Variants in CLASP1 observed in about 807,000 individuals in gnomAD.
CLASP1 encodes the protein CLIP-associating protein 1.
CLASP1 carries 38 observed loss-of-function variants against 192.3 expected under a neutral mutation model. The observed-to-expected ratio is 0.20, with a 90% CI of 0.15 to 0.26. The LOEUF is 0.26. Ranked by LOEUF, CLASP1 falls within the 10% of genes least tolerant of loss-of-function variation. The pLI, the probability that CLASP1 is intolerant of heterozygous loss-of-function variation, is 1.00. For missense variants in CLASP1, 1,433 were observed against 1,932.5 expected, an observed-to-expected ratio of 0.74 and a Z score of 4.85; for synonymous variants, 691 against 712.8, an observed-to-expected ratio of 0.97 and a Z score of 0.49.
intron 1 of CLASP1, among the ~76,000 whole-genome samples, chr2:121,637,885 C>CAA (rs1215351109): frequency 3.9e-5 from 5 of 126,662 alleles, no homozygotes; most frequent in African/African-American, 1.4e-4. Flanking sequence ...GACTCCATCT[C>CAA]AAAAAAAAAA....
At chr2:121,398,495 T>C (rs1163206576) in intron 28 of CLASP1, 95 bp from the exon 30 acceptor site, 5 of 822,640 alleles carry the variant, frequency 6.1e-6, no homozygotes, top group Non-Finnish European at 7.8e-6. Context: ...TAAGTTAATG[T>C]ATGTAAAACC....
Position 121,574,002 on chromosome 2 carries a change from T to C in CLASP1, c.195+31699A>G, listed in dbSNP as rs555809391. Among the ~76,000 whole-genome samples the C allele has an allele frequency of 2.0e-5, 3 of 152,232 alleles. No individual in the cohort carries two copies. The South Asian group carries it at 6.2e-4, about 32-fold the overall frequency. ...CGCTGGGGAGACACAAAATTTCAGTTAGACAAGAGGAATAAGTTTAAGGGA... is the reference window on the plus strand; with the variant it reads ...CGCTGGGGAGACACAAAATTTCAGTCAGACAAGAGGAATAAGTTTAAGGGA... On this transcript the variant is annotated intron_variant, in intron 2 of 39. Coordinates refer to ENST00000263710, the Ensembl canonical transcript of CLASP1.
chr2:121,379,228 A>G (rs985740850), intron 33 of CLASP1, among the ~76,000 whole-genome samples: 9 of 152,168 alleles, frequency 5.9e-5, no homozygotes, highest in Non-Finnish European at 1.2e-4. Flanking sequence ...AAAAAAAAAA[A>G]AAATTCAACT....
At chr2:121,493,746 A>G (rs1316655323) in intron 8 of CLASP1, among the ~76,000 whole-genome samples, 1 of 101,338 alleles carries the variant, frequency 9.9e-6, no homozygotes, top group Non-Finnish European at 1.7e-5. Flanking sequence ...AACTCAATAG[A>G]AAAAAAAAAT....
chr2:121,463,533 A>G (rs1362906606), intron 9 of CLASP1, among the ~76,000 whole-genome samples: 1 of 152,214 alleles, frequency 6.6e-6, no homozygotes, highest in Admixed American at 6.5e-5. Context: ...CTGTTTTAGC[A>G]TAAAAACTGG....
At chr2:121,441,075 A>T (rs1398989652) in intron 19 of CLASP1, among the ~76,000 whole-genome samples, 1 of 152,164 alleles carries the variant, frequency 6.6e-6, no homozygotes, top group African/African-American at 2.4e-5. Context: ...ACTCCAAACC[A>T]GGAGAAATTC....
At chr2:121,430,353 G>A (rs994059506) in intron 19 of CLASP1, among the ~76,000 whole-genome samples, 176 bp from the exon 20 acceptor site, 2 of 152,278 alleles carry the variant, frequency 1.3e-5, no homozygotes, top group Non-Finnish European at 2.9e-5. Flanking sequence ...GTGTGCATGC[G>A]CACATGCGCA....
intron 34 of CLASP1, among the ~76,000 whole-genome samples, chr2:121,375,254 A>G (rs1400171624): frequency 6.6e-6 from 1 of 151,950 alleles, no homozygotes; most frequent in Non-Finnish European, 1.5e-5. Context: ...GCTTCTCCTT[A>G]TGCCATGACT....
intron 39 of CLASP1, among the ~76,000 whole-genome samples, chr2:121,343,994 C>A (rs561653122): frequency 6.6e-6 from 1 of 152,206 alleles, no homozygotes; most frequent in South Asian, 2.1e-4. Context: ...TCGTTTGAAC[C>A]TGGTAGGCGG....
intron 1 of CLASP1, among the ~76,000 whole-genome samples, chr2:121,606,878 G>A (rs748329824): frequency 6.6e-6 from 1 of 152,188 alleles, no homozygotes; most frequent in African/African-American, 2.4e-5. Flanking sequence ...CCAACATGGT[G>A]AAACCCTGTC....
Position 121,508,472 on chromosome 2 carries a change from T to C in CLASP1, c.645-5238A>G, listed in dbSNP as rs374015375. Among the ~76,000 whole-genome samples, 8 of 152,218 alleles carry C rather than the reference T, an allele frequency of 5.3e-5. No homozygotes were observed. In the East Asian group the frequency reaches 1.5e-3, roughly 29 times the overall value. On this transcript the variant is annotated intron_variant, in intron 7 of 39. Transcript: ENST00000263710. ...GAAACAAGTCATGACATATAGAACA[T>C]AAATAGCACACCTGCAGACATAAAT...
chr2:121,442,481 CT>C (rs761873166), intron 19 of CLASP1, among the ~76,000 whole-genome samples: 210 of 144,210 alleles, frequency 1.5e-3, no homozygotes, highest in South Asian at 4.6e-3. Context: ...AAATTTCTTT[CT>C]TTTTTTTTTT....
At chr2:121,616,990 T>C (rs2066581856) in intron 1 of CLASP1, among the ~76,000 whole-genome samples, 1 of 152,154 alleles carries the variant, frequency 6.6e-6, no homozygotes, top group African/African-American at 2.4e-5. Flanking sequence ...TTGCAGAAAA[T>C]GCTGTAGGTA....
At chr2:121,610,921 G>A (rs1364021769) in intron 1 of CLASP1, among the ~76,000 whole-genome samples, 18 of 140,546 alleles carry the variant, frequency 1.3e-4, no homozygotes, top group African/African-American at 4.1e-4. Flanking sequence ...GGAACTGGAG[G>A]AGGAGGAGGA....
At chr2:121,572,005 G>C (rs2060019435) in intron 2 of CLASP1, among the ~76,000 whole-genome samples, 1 of 151,998 alleles carries the variant, frequency 6.6e-6, no homozygotes, top group African/African-American at 2.4e-5. Flanking sequence ...AAAGCCACTT[G>C]GCCTAGGGAG....
At chr2:121,479,576 T>G (rs1377984541) in intron 8 of CLASP1, among the ~76,000 whole-genome samples, 1 of 152,184 alleles carries the variant, frequency 6.6e-6, no homozygotes, top group African/African-American at 2.4e-5. Context: ...CCTCTTAATT[T>G]TAACCGAAGT....
intron 5 of CLASP1, among the ~76,000 whole-genome samples, chr2:121,526,341 G>A (rs935607773): frequency 1.6e-4 from 24 of 152,302 alleles, no homozygotes; most frequent in African/African-American, 4.8e-4. Flanking sequence ...AGGCAACACC[G>A]CTGGATGAAA....
chr2:121,385,147 T>G (rs565718667), intron 32 of CLASP1, among the ~76,000 whole-genome samples: 6 of 152,236 alleles, frequency 3.9e-5, no homozygotes, highest in Non-Finnish European at 5.9e-5. Flanking sequence ...ATTTTCCTGT[T>G]AGAAAATATG....
chr2:121,451,362 A>C (rs976637143), intron 15 of CLASP1, among the ~76,000 whole-genome samples: 4 of 152,276 alleles, frequency 2.6e-5, no homozygotes, highest in African/African-American at 7.2e-5. Context: ...GTTTCTATGG[A>C]AACTGTGAAA....
Sources: gnomAD v4.1 joint callset for allele counts (sites outside exome capture counted in the v4.1 genomes callset) on GRCh38, gnomAD v4.1.1 for gene constraint, MANE v1.5 for transcripts, NCBI Gene and HGNC (gene_info 2026-07-23, HGNC 2026-07-21) for gene names.